TSGA10: variants seen among roughly 807,000 people sequenced by gnomAD.
TSGA10 encodes testis specific 10.
Under a neutral mutation model 96.6 loss-of-function variants are expected in TSGA10, and 43 were observed. The ratio of observed to expected loss-of-function variants is 0.44; its 90% confidence interval spans 0.35 to 0.57. TSGA10 has a LOEUF of 0.57. TSGA10 is among the 20% of genes least tolerant of loss of function. The pLI, the probability that TSGA10 is intolerant of heterozygous loss-of-function variation, is 0.01. For missense variants in TSGA10, 703 were observed against 834.4 expected (o/e 0.84, Z 1.94); for synonymous variants, 229 against 269.9 (o/e 0.85, Z 1.48).
intron 14 of TSGA10, among the ~76,000 whole-genome samples, chr2:99,070,226 G>T (rs560403779): frequency 1.3e-5 from 2 of 152,202 alleles, no homozygotes; most frequent in South Asian, 4.1e-4. Context: ...AATATTTATT[G>T]AGTGATATAC....
chr2:99,043,904 C>G (rs780616987), intron 16 of TSGA10, among the ~76,000 whole-genome samples: 1 of 152,080 alleles, frequency 6.6e-6, no homozygotes, highest in Admixed American at 6.5e-5. Flanking sequence ...GAATTCTCAA[C>G]CCAGAATTTC....
chr2:99,013,682 A>G (rs1171949073), intron 20 of TSGA10, among the ~76,000 whole-genome samples: 1 of 151,908 alleles, frequency 6.6e-6, no homozygotes, highest in East Asian at 1.9e-4. Context: ...TACCTCCAAA[A>G]GGAACCCTCA....
Position 99,004,132 on chromosome 2 carries a change from C to A in TSGA10, c.2073-5911G>T, listed in dbSNP as rs146913586. On this transcript the variant is annotated intron_variant, in intron 20 of 20. Coordinates refer to ENST00000393483, the MANE Select transcript of TSGA10 (RefSeq NM_025244.4). ...AAAGGGGATATCACCACTGATCCCA[C>A]GGAAATGCAAACAACCATCAGAGAA... is the stretch of plus-strand genomic sequence containing the variant. Among the ~76,000 whole-genome samples, 13 of 152,274 alleles carry A rather than the reference C, an allele frequency of 8.5e-5. No homozygotes were observed. In the South Asian group the frequency reaches 1.9e-3, roughly 22 times the overall value.
At chr2:99,048,804 T>C (rs914481430) in intron 16 of TSGA10, among the ~76,000 whole-genome samples, 9 of 151,872 alleles carry the variant, frequency 5.9e-5, no homozygotes, top group Middle Eastern at 3.4e-3. Flanking sequence ...ACCTAAAGAA[T>C]GGGGGAAAAT....
intron 16 of TSGA10, among the ~76,000 whole-genome samples, chr2:99,057,888 T>C (rs1043734484): frequency 2.0e-5 from 3 of 152,172 alleles, no homozygotes; most frequent in African/African-American, 4.8e-5. Context: ...GGTACTGATA[T>C]AAGGATAGAC....
intron 7 of TSGA10, among the ~76,000 whole-genome samples, chr2:99,106,069 C>A (rs1340909636): frequency 1.3e-5 from 2 of 152,108 alleles, no homozygotes; most frequent in African/African-American, 4.8e-5. Flanking sequence ...GTGTTTCAGT[C>A]TTCCTAAATA....
intron 14 of TSGA10, among the ~76,000 whole-genome samples, chr2:99,070,872 GC>G (rs1442365420): frequency 1.3e-5 from 2 of 152,018 alleles, no homozygotes; most frequent in Non-Finnish European, 2.9e-5. Flanking sequence ...CAATTAATAA[GC>G]CAATATTGAC....
chr2:99,005,005 T>C (rs997186562), intron 20 of TSGA10, among the ~76,000 whole-genome samples: 73 of 152,310 alleles, frequency 4.8e-4, no homozygotes, highest in Non-Finnish European at 8.2e-4. Context: ...AATCAATAAA[T>C]GTAATCCAGC....
At chr2:99,034,387 T>C (rs1489349480) in intron 17 of TSGA10, among the ~76,000 whole-genome samples, 1 of 151,852 alleles carries the variant, frequency 6.6e-6, no homozygotes, top group Non-Finnish European at 1.5e-5. Flanking sequence ...GGCGACAGAG[T>C]GAGACTCCAT....
At chr2:99,148,762 G>C (rs992734540) in intron 1 of TSGA10, among the ~76,000 whole-genome samples, 1 of 152,180 alleles carries the variant, frequency 6.6e-6, no homozygotes, top group Non-Finnish European at 1.5e-5. Flanking sequence ...CCTGAGGTCA[G>C]GGGTTCAAGA....
chr2:99,042,962 G>T (rs931730118), intron 16 of TSGA10, among the ~76,000 whole-genome samples: 1 of 152,070 alleles, frequency 6.6e-6, no homozygotes, highest in African/African-American at 2.4e-5. Context: ...GCCTCCCAAA[G>T]TGCTGGGATT....
chr2:99,040,914 C>T (rs1573740372), intron 16 of TSGA10, among the ~76,000 whole-genome samples: 1 of 152,352 alleles, frequency 6.6e-6, no homozygotes. Context: ...AGCCTCCTAT[C>T]AACTATTAGT....
chr2:99,080,624 C>T (rs1047197612), intron 11 of TSGA10, among the ~76,000 whole-genome samples: 5 of 152,006 alleles, frequency 3.3e-5, no homozygotes, highest in African/African-American at 2.4e-5. Context: ...TAATATTTCC[C>T]GGTTTGATAA....
rs781653882 is a variant in TSGA10, at chr2:99,065,123, T to A, written c.1220A>T (p.Glu407Val). Residue 407 changes from glutamate (E) to valine (V), a missense_variant and splice_region_variant, in exon 16 of 21, where the codon GAA becomes GTA. This residue lies in a region of TSGA10 where 585 missense variants were observed against 656.8 expected (regional missense o/e 0.89). Coordinates refer to ENST00000393483, the MANE Select transcript of TSGA10 (RefSeq NM_025244.4). The part of the protein sequence containing the change: ...NKLKNILKSE[E>V]SENRQMMEQL... The stretch of plus-strand genomic sequence containing the variant: ...TTCCATCATTTGCCGGTTCTCAGAT[T>A]CCTGAAAAGCAAACTTTAGCTATTA... 8 of 1,610,832 alleles carry A rather than the reference T, an allele frequency of 5.0e-6. No homozygotes were observed. Among genetic ancestry groups the A allele is most frequent in the Middle Eastern group, 1.7e-4 (1 of 6,054 alleles).
chr2:99,019,652 C>T (rs1309677636), intron 18 of TSGA10, among the ~76,000 whole-genome samples: 2 of 151,944 alleles, frequency 1.3e-5, no homozygotes, highest in Non-Finnish European at 2.9e-5. Context: ...ACAGATGGGA[C>T]AGGTAAGAAC....
At chr2:99,134,015 C>G (rs1328372119) in intron 1 of TSGA10, among the ~76,000 whole-genome samples, 1 of 152,182 alleles carries the variant, frequency 6.6e-6, no homozygotes, top group Admixed American at 6.5e-5. Flanking sequence ...CTGCCCTTAA[C>G]ATTTTCTCTT....
intron 2 of TSGA10, chr2:99,126,741 T>C (rs2092847837): frequency 5.6e-6 from 1 of 180,124 alleles, no homozygotes; most frequent in Non-Finnish European, 1.2e-5. Context: ...GTCATAATTA[T>C]TTAACCTCTT....
In TSGA10 at chr2:99,068,912, C is replaced by A; in HGVS notation, c.1194G>T (p.Lys398Asn). The A allele has an allele frequency of 6.9e-7, 1 of 1,455,556 alleles. No homozygotes were observed. Among genetic ancestry groups the A allele is most frequent in the Non-Finnish European group, 9.1e-7 (1 of 1,103,976 alleles). 90.2% of individuals were successfully genotyped at this position (1,455,556 alleles called of 1,614,324 possible). A position where few individuals can be genotyped will look rare whatever the true frequency, so the allele number is the denominator to read the frequency against. ...KVQDTNLEVN[K>N]LKNILKSEES... is the part of the protein sequence containing the mutation. ...CTTCAGACTTTAATATATTCTTCAG[C>A]TTGTTAACCTCCAAATTAGTATCTT... The change falls in exon 15 of 21, where the codon AAG becomes AAT. Residue 398 changes from lysine (K) to asparagine (N), a missense_variant. This residue lies in a region of TSGA10 where 585 missense variants were observed against 656.8 expected (regional missense o/e 0.89). Transcript: ENST00000393483.
At chr2:99,137,865 C>A (rs1456311463) in intron 1 of TSGA10, among the ~76,000 whole-genome samples, 4 of 137,512 alleles carry the variant, frequency 2.9e-5, no homozygotes, top group Non-Finnish European at 3.1e-5. Context: ...CCAGCCTGGG[C>A]AACAGAGTGA....
Sources: gnomAD v4.1 joint callset for allele counts (sites outside exome capture counted in the v4.1 genomes callset) on GRCh38, gnomAD v4.1.1 for gene constraint, gnomAD v4.1.1 regional missense constraint, MANE v1.5 for transcripts, NCBI Gene and HGNC (gene_info 2026-07-23, HGNC 2026-07-21) for gene names.